The following TIAM1 variants were observed in gnomAD, a reference collection of about 807,000 sequenced individuals.
The protein encoded by TIAM1 is TIAM Rac1 associated GEF 1.
In TIAM1, 65 loss-of-function variants were observed where a neutral mutation model predicts 163.5. That is an observed-to-expected ratio of 0.40 (90% CI 0.33 to 0.49). The LOEUF is 0.49. TIAM1 is among the 20% of genes least tolerant of loss of function. The pLI, the probability that TIAM1 is intolerant of heterozygous loss-of-function variation, is 0.77. For missense variants in TIAM1, 1,789 were observed against 2,044.7 expected (o/e 0.87, Z 2.41); for synonymous variants, 833 against 810.1 (o/e 1.03, Z -0.48).
intron 2 of TIAM1, among the ~76,000 whole-genome samples, chr21:31,388,260 A>ACACG (rs1413732260): frequency 6.8e-5 from 2 of 29,568 alleles, no homozygotes; most frequent in East Asian, 6.3e-4. Context: ...CACACACACA[A>ACACG]CCTCTTACGT....
At chr21:31,203,514 T>C (rs921271571) in intron 11 of TIAM1, among the ~76,000 whole-genome samples, 2 of 152,262 alleles carry the variant, frequency 1.3e-5, no homozygotes, top group Admixed American at 6.5e-5. Context: ...ATAACTTTCA[T>C]TGAACACACT....
chr21:31,438,546 C>A (rs2044302360), intron 2 of TIAM1, among the ~76,000 whole-genome samples: 1 of 152,080 alleles, frequency 6.6e-6, no homozygotes, highest in Admixed American at 6.6e-5. Flanking sequence ...TCAAATAGGG[C>A]ACTGGAGAGA....
intron 1 of TIAM1, among the ~76,000 whole-genome samples, chr21:31,522,872 A>G (rs1379454668): frequency 6.6e-6 from 1 of 152,234 alleles, no homozygotes; most frequent in Admixed American, 6.5e-5. Flanking sequence ...TTATTCTCAT[A>G]TCTAACACTA....
intron 2 of TIAM1, among the ~76,000 whole-genome samples, chr21:31,375,230 T>C (rs1264979947): frequency 6.6e-6 from 1 of 152,170 alleles, no homozygotes; most frequent in Non-Finnish European, 1.5e-5. Context: ...AGTCACTGTT[T>C]AATAGAAAAA....
intron 19 of TIAM1, among the ~76,000 whole-genome samples, chr21:31,149,101 T>C (rs143057927): frequency 6.6e-5 from 10 of 152,220 alleles, no homozygotes; most frequent in Non-Finnish European, 1.3e-4. Context: ...CACACTAGTG[T>C]TCATGAGCCA....
intron 3 of TIAM1, among the ~76,000 whole-genome samples, chr21:31,275,805 A>G (rs1353607679): frequency 6.6e-6 from 1 of 152,150 alleles, no homozygotes; most frequent in Admixed American, 6.5e-5. Flanking sequence ...TATCATATTC[A>G]AGTTAACTGT....
intron 2 of TIAM1, among the ~76,000 whole-genome samples, chr21:31,398,874 A>G (rs77728772): frequency 0.013 from 1,980 of 152,326 alleles, 74 homozygotes; most frequent in East Asian, 0.12. Context: ...CTCTTCTCAA[A>G]CTATTAAAAA....
At chr21:31,303,631 A>C (rs1235799944) in intron 2 of TIAM1, among the ~76,000 whole-genome samples, 1 of 152,178 alleles carries the variant, frequency 6.6e-6, no homozygotes, top group African/African-American at 2.4e-5. Flanking sequence ...TTTCAAAACA[A>C]AAAAGAACTA....
At chr21:31,491,196 A>G (rs2046458012) in intron 1 of TIAM1, among the ~76,000 whole-genome samples, 1 of 152,182 alleles carries the variant, frequency 6.6e-6, no homozygotes, top group African/African-American at 2.4e-5. Context: ...AGGATCAAGC[A>G]AAGAACCTGA....
At chr21:31,407,544 C>T (rs1403275982) in intron 2 of TIAM1, among the ~76,000 whole-genome samples, 1 of 152,030 alleles carries the variant, frequency 6.6e-6, no homozygotes, top group African/African-American at 2.4e-5. Context: ...AAAGAAAGTC[C>T]GTGGCTCGAC....
chr21:31,247,068 G>A (rs566926341), intron 5 of TIAM1, among the ~76,000 whole-genome samples: 3 of 152,098 alleles, frequency 2.0e-5, no homozygotes, highest in African/African-American at 4.8e-5. Context: ...GCCTGTAATC[G>A]CAGCACTTTG....
At chr21:31,433,225 G>A (rs922561541) in intron 2 of TIAM1, among the ~76,000 whole-genome samples, 3 of 152,172 alleles carry the variant, frequency 2.0e-5, no homozygotes, top group Non-Finnish European at 4.4e-5. Flanking sequence ...CCTTTAAAAA[G>A]TAAGAAAGAC....
At chr21:31,464,217 G>A (rs888086452) in intron 1 of TIAM1, among the ~76,000 whole-genome samples, 2 of 152,172 alleles carry the variant, frequency 1.3e-5, no homozygotes, top group Non-Finnish European at 2.9e-5. Context: ...ATTAGAAGCA[G>A]AGGAGCAGAA....
intron 20 of TIAM1, 102 bp downstream of exon 20, chr21:31,146,793 C>A: frequency 2.4e-6 from 2 of 824,394 alleles, no homozygotes; most frequent in Non-Finnish European, 2.0e-6. Flanking sequence ...ATCTATCTGG[C>A]AACCAATGAC....
chr21:31,289,445 A>G (rs892228204), intron 2 of TIAM1, among the ~76,000 whole-genome samples: 4 of 152,194 alleles, frequency 2.6e-5, no homozygotes, highest in Non-Finnish European at 5.9e-5. Context: ...GGTAACCACC[A>G]TGAGATTTTT....
At chr21:31,228,238 A>AGG (rs1569068800) in intron 6 of TIAM1, among the ~76,000 whole-genome samples, 2 of 48,274 alleles carry the variant, frequency 4.1e-5, no homozygotes, top group African/African-American at 8.1e-5. Context: ...AAAAAAAAAA[A>AGG]AAAAAAAAAA....
chr21:31,327,240 G>C (rs982137306), intron 2 of TIAM1, among the ~76,000 whole-genome samples: 1 of 152,140 alleles, frequency 6.6e-6, no homozygotes, highest in Non-Finnish European at 1.5e-5. Context: ...CAGAGAACCC[G>C]AAATTATCTT....
intron 1 of TIAM1, among the ~76,000 whole-genome samples, chr21:31,466,059 C>T (rs2045522053): frequency 6.6e-6 from 1 of 152,086 alleles, no homozygotes; most frequent in Admixed American, 6.6e-5. Context: ...CTTGAGGATC[C>T]CAATCAATTC....
intron 2 of TIAM1, among the ~76,000 whole-genome samples, chr21:31,365,164 C>A (rs1345980845): frequency 6.6e-6 from 1 of 152,136 alleles, no homozygotes; most frequent in South Asian, 2.1e-4. Flanking sequence ...GATCTAGTCT[C>A]CAAACACGCC....
Sources: allele counts gnomAD v4.1 joint callset (sites outside exome capture counted in the v4.1 genomes callset), GRCh38; gene constraint gnomAD v4.1.1; transcripts MANE v1.5; gene names NCBI Gene and HGNC (gene_info 2026-07-23, HGNC 2026-07-21).